The following SGO2 variants were observed in gnomAD, a reference collection of about 807,000 sequenced individuals.
SGO2 encodes the protein shugoshin-like 2.
Under a neutral mutation model 99.5 loss-of-function variants are expected in SGO2, and 68 were observed. That is an observed-to-expected ratio of 0.68 (90% CI 0.56 to 0.84). The LOEUF (loss-of-function observed/expected upper bound fraction) is 0.84. Among genes scored for constraint, SGO2 ranks in the 40% least tolerant of loss-of-function variants. The pLI, the probability that SGO2 is intolerant of heterozygous loss-of-function variation, is 0.00. For synonymous variants in SGO2, 457 were observed against 487.1 expected (o/e 0.94, Z 0.81); for missense variants, 1,350 against 1,436.7 (o/e 0.94, Z 0.97).
In SGO2 at chr2:200,573,283, C is replaced by T; in HGVS notation, c.2937C>T (p.Ser979=). 6.2e-7 allele frequency: 1 copy of T among 1,605,766 alleles called. No individual in the cohort carries two copies. The highest frequency in any genetic ancestry group is 8.5e-7 in the Non-Finnish European group (1 of 1,177,686). ...EKESCDQILD[S]YKVVKKRKKE... is the part of the protein sequence containing the mutation. ...AAAGTTGTGATCAAATTTTAGATTC[C>T]TACAAAGTAGTTAAAAAACGTAAGA... The change falls in exon 7 of 9, where the codon TCC becomes TCT. Residue 979 remains serine, a synonymous_variant. Coordinates refer to ENST00000357799, the MANE Select transcript of SGO2 (RefSeq NM_152524.6).
rs116229714 is a variant in SGO2 at position 200,575,556 on chromosome 2, A to G, written c.3782+95A>G. On this transcript the variant is annotated intron_variant, in intron 8 of 8. Transcript: ENST00000357799. The stretch of plus-strand genomic sequence containing the variant: ...GTATTTGAGCACTTCTGATAATTCA[A>G]TAAAATGTATATTATTGATATGTAA... 1,458 of 854,532 alleles carry G rather than the reference A, an allele frequency of 1.7e-3. 1 individual carries two copies. The highest frequency in any genetic ancestry group is 2.4e-3 in the Non-Finnish European group (1,332 of 562,196). The allele number at this position is 854,532 out of a possible 1,614,324, so 52.9% of individuals were successfully genotyped here.
chr2:200,541,447 T>C (rs2031953171), intron 4 of SGO2, among the ~76,000 whole-genome samples: 1 of 152,182 alleles, frequency 6.6e-6, no homozygotes, highest in African/African-American at 2.4e-5. Context: ...GAAACTCCAA[T>C]AATAGGCTCT....
At chr2:200,555,779 G>A (rs1034304883) in intron 5 of SGO2, among the ~76,000 whole-genome samples, 2 of 152,252 alleles carry the variant, frequency 1.3e-5, no homozygotes, top group South Asian at 2.1e-4. Context: ...TGATACCCCT[G>A]AAAGTCAAAA....
chr2:200,550,547 T>G (rs961816426), intron 5 of SGO2, among the ~76,000 whole-genome samples: 19 of 152,124 alleles, frequency 1.2e-4, no homozygotes, highest in Non-Finnish European at 2.4e-4. Context: ...ATGCACCATT[T>G]ACAACCAACT....
chr2:200,551,379 G>A (rs942860704), intron 5 of SGO2, among the ~76,000 whole-genome samples: 1 of 151,984 alleles, frequency 6.6e-6, no homozygotes, highest in Non-Finnish European at 1.5e-5. Flanking sequence ...AGCACCAAAA[G>A]GCAAATATTC....
At chr2:200,568,241 T>C (rs1019859553) in intron 5 of SGO2, among the ~76,000 whole-genome samples, 4 of 152,248 alleles carry the variant, frequency 2.6e-5, no homozygotes, top group African/African-American at 9.6e-5. Flanking sequence ...TATGTACTTA[T>C]TGGCCATTTG....
Position 200,572,357 on chromosome 2 carries a change from G to A in SGO2, c.2011G>A (p.Ala671Thr). 6.2e-7 allele frequency: 1 copy of A among 1,612,136 alleles called. No homozygotes were observed. The highest frequency in any genetic ancestry group is 8.5e-7 in the Non-Finnish European group (1 of 1,179,334). The change falls in exon 7 of 9, where the codon GCT becomes ACT. Residue 671 changes from alanine to threonine, a missense_variant. Coordinates refer to ENST00000357799, the MANE Select transcript of SGO2 (RefSeq NM_152524.6). ...IEVSKELQIP[A>T]LSTRDNENQC... ...AGTTTCCAAAGAGCTTCAAATCCCA[G>A]CTCTTTCTACTAGAGATAATGAAAA...
intron 4 of SGO2, among the ~76,000 whole-genome samples, chr2:200,542,089 GT>G (rs550129147): frequency 2.0e-5 from 3 of 151,884 alleles, no homozygotes; most frequent in Non-Finnish European, 4.4e-5. Flanking sequence ...AAAAAACATG[GT>G]TGTGTGTTGC....
intron 4 of SGO2, among the ~76,000 whole-genome samples, chr2:200,540,704 T>C (rs1166116569): frequency 6.6e-6 from 1 of 152,226 alleles, no homozygotes; most frequent in African/African-American, 2.4e-5. Flanking sequence ...AGACATTTTA[T>C]TTTCTGTGTA....
intron 5 of SGO2, among the ~76,000 whole-genome samples, chr2:200,564,069 G>A (rs188648285): frequency 1.3e-5 from 2 of 152,236 alleles, no homozygotes; most frequent in East Asian, 1.9e-4. Flanking sequence ...CTTCAGTTCT[G>A]CTCTGATCTT....
At chr2:200,561,152 G>A (rs1242315899) in intron 5 of SGO2, among the ~76,000 whole-genome samples, 1 of 152,008 alleles carries the variant, frequency 6.6e-6, no homozygotes, top group African/African-American at 2.4e-5. Context: ...CCATTAACTC[G>A]TCATTTACAT....
chr2:200,576,967 T>G (rs1398401809), intron 8 of SGO2, among the ~76,000 whole-genome samples: 2 of 152,240 alleles, frequency 1.3e-5, no homozygotes, highest in Non-Finnish European at 2.9e-5. Flanking sequence ...TGGGTTGTTT[T>G]CATCTTTTGG....
At position 200,583,528 on chromosome 2, in the gene SGO2, A is replaced by G. The variant is rs2033903902; in HGVS notation, c.*64A>G. The G allele has an allele frequency of 3.5e-6, 5 of 1,420,350 alleles. No individual in the cohort carries two copies. The Admixed American group carries it at 1.1e-4, about 32-fold the overall frequency. The allele number at this position is 1,420,350 out of a possible 1,614,324, so 88.0% of individuals were successfully genotyped here. On this transcript the variant is annotated 3_prime_UTR_variant, in exon 9 of 9. Transcript: ENST00000357799. ...GCATAAGGAATCAAAACAGAAATAT[A>G]GTATCAAGAAGATGAAATGCTTAAT...
chr2:200,533,158 A>T lies in SGO2; in HGVS notation c.133+50A>T, dbSNP rs1021675022. ...CACTCACGTTTTAACTTTTCCCCAGAATTGTTATATATTTGCTACCTTATT... is the reference window on the plus strand; with the variant it reads ...CACTCACGTTTTAACTTTTCCCCAGTATTGTTATATATTTGCTACCTTATT... On this transcript the variant is annotated intron_variant, in intron 2 of 8. Transcript: ENST00000357799. 3 of 1,496,434 alleles carry T rather than the reference A, an allele frequency of 2.0e-6. No individual in the cohort carries two copies. The African/African-American group carries it at 4.3e-5, about 21-fold the overall frequency. 92.7% of individuals were successfully genotyped at this position (1,496,434 alleles called of 1,614,324 possible).
rs757100785 is a variant in SGO2 at position 200,536,101 on chromosome 2, A to T, written c.346A>T (p.Asn116Tyr). Reference sequence around the variant, plus strand: ...TATAGACATAGAAGCTCTCATGAACAATAACTTGATAACTGCAATTGAAAT... The same window carrying T: ...TATAGACATAGAAGCTCTCATGAACTATAACTTGATAACTGCAATTGAAAT... ...KLIDIEALMN[N>Y]NLITAIEMSS... The change falls in exon 4 of 9, where the codon AAT (asparagine) becomes TAT (tyrosine). Residue 116 changes from asparagine (N) to tyrosine (Y), a missense_variant. Coordinates refer to ENST00000357799, the MANE Select transcript of SGO2 (RefSeq NM_152524.6). 1 of 1,595,282 alleles carries T rather than the reference A, an allele frequency of 6.3e-7. No homozygotes were observed. Among genetic ancestry groups the T allele is most frequent in the East Asian group, 2.2e-5 (1 of 44,506 alleles).
chr2:200,560,847 T>A (rs2032912651), intron 5 of SGO2, among the ~76,000 whole-genome samples: 1 of 152,200 alleles, frequency 6.6e-6, no homozygotes, highest in Non-Finnish European at 1.5e-5. Flanking sequence ...TAATGTTTAA[T>A]AGAATTCACA....
intron 5 of SGO2, among the ~76,000 whole-genome samples, chr2:200,544,344 C>T (rs992302645): frequency 1.3e-5 from 2 of 152,180 alleles, no homozygotes; most frequent in East Asian, 1.9e-4. Context: ...TGCAGTGGCA[C>T]GATCTTGGCT....
chr2:200,572,586 C>T lies in SGO2; in HGVS notation c.2240C>T (p.Thr747Met), dbSNP rs746529990. ...YTVKSHSLFL[T>M]QKDKEIIPGN... ...GTTAAAAGTCACTCACTCTTTTTAA[C>T]GCAAAAAGATAAGGAAATCATCCCT... Residue 747 changes from threonine (T) to methionine (M), a missense_variant, in exon 7 of 9, where the codon ACG (threonine) becomes ATG (methionine). Transcript: ENST00000357799. 1.2e-5 allele frequency: 20 copies of T among 1,612,106 alleles called. No homozygotes were observed. Among genetic ancestry groups the T allele is most frequent in the East Asian group, 1.1e-4 (5 of 44,856 alleles).
chr2:200,581,981 C>T (rs529634069), intron 8 of SGO2, among the ~76,000 whole-genome samples: 58 of 152,222 alleles, frequency 3.8e-4, no homozygotes, highest in Non-Finnish European at 7.4e-4. Flanking sequence ...TCCACCTAAT[C>T]TTGTATACCT....
Sources: allele counts gnomAD v4.1 joint callset (sites outside exome capture counted in the v4.1 genomes callset), GRCh38; gene constraint gnomAD v4.1.1; transcripts MANE v1.5; gene names NCBI Gene and HGNC (gene_info 2026-07-23, HGNC 2026-07-21).